GXYLT2: variants seen among roughly 807,000 people sequenced by gnomAD.
GXYLT2 encodes glycosyltransferase 8 domain containing 4.
Under a neutral mutation model 45.8 loss-of-function variants are expected in GXYLT2, and 53 were observed. That is an observed-to-expected ratio of 1.16 (90% CI 0.93 to 1.46). The LOEUF (loss-of-function observed/expected upper bound fraction) is 1.46. GXYLT2 is among the 40% of genes most tolerant of loss of function. The pLI is 0.00. For missense variants in GXYLT2, 551 were observed against 544.4 expected, an observed-to-expected ratio of 1.01 and a Z score of -0.12; for synonymous variants, 219 against 214.2, an observed-to-expected ratio of 1.02 and a Z score of -0.19.
rs76297059 is a variant in GXYLT2 at position 72,905,988 on chromosome 3, T to C, written c.276-2379T>C. On this transcript the variant is annotated intron_variant, in intron 1 of 6. Coordinates refer to ENST00000389617, the MANE Select transcript of GXYLT2 (RefSeq NM_001080393.2). ...GGTGAGGGTATTCATATTTAAGATA[T>C]CTAAGTGATTGCCTTTATGGTGTTA... Among the ~76,000 whole-genome samples the C allele has an allele frequency of 1.1e-4, 16 of 152,330 alleles. No individual in the cohort carries two copies. The East Asian group carries it at 3.1e-3, about 29-fold the overall frequency.
At chr3:72,919,607 T>C (rs999196056) in intron 2 of GXYLT2, among the ~76,000 whole-genome samples, 1 of 152,146 alleles carries the variant, frequency 6.6e-6, no homozygotes, top group African/African-American at 2.4e-5. Flanking sequence ...ATACAAAAAG[T>C]AACTGGGTGT....
intron 6 of GXYLT2, among the ~76,000 whole-genome samples, chr3:72,972,933 G>A (rs1431406534): frequency 6.6e-6 from 1 of 151,690 alleles, no homozygotes; most frequent in Non-Finnish European, 1.5e-5. Flanking sequence ...TGCCTCTTTA[G>A]GAAAAAAAAT....
intron 3 of GXYLT2, 87 bp from the exon 4 acceptor site, chr3:72,955,011 T>C: frequency 7.2e-7 from 1 of 1,379,998 alleles, no homozygotes; most frequent in Non-Finnish European, 1.0e-6. Flanking sequence ...ATTATTTACC[T>C]ATCAGGCTAC....
In GXYLT2 at chr3:72,971,157, G is replaced by C. The variant is rs535337819; in HGVS notation, c.1149+3438G>C. Among the ~76,000 whole-genome samples the C allele has an allele frequency of 3.3e-5, 5 of 152,256 alleles. No homozygotes were observed. The South Asian group carries it at 1.0e-3, about 32-fold the overall frequency. On this transcript the variant is annotated intron_variant, in intron 6 of 6. Transcript: ENST00000389617. The stretch of plus-strand genomic sequence containing the variant: ...TTTGTGATCTGTCACCCCTGGTTTG[G>C]AGTTGAGCAGTTGTGGTTCTTGAGT...
chr3:72,952,404 A>G (rs925436499), intron 3 of GXYLT2, among the ~76,000 whole-genome samples: 1 of 152,162 alleles, frequency 6.6e-6, no homozygotes, highest in Non-Finnish European at 1.5e-5. Flanking sequence ...GTGAAGAACA[A>G]AAGATAAATC....
rs1327651040 is a variant in GXYLT2, at chr3:72,912,032, A to T, written c.468+3473A>T. ...ATATATATTTTTTTTTTTTTTTGAG[A>T]CAGCGTCTCGCTCTGTCTCCCAGGC... On this transcript the variant is annotated intron_variant, in intron 2 of 6. Coordinates refer to ENST00000389617, the MANE Select transcript of GXYLT2 (RefSeq NM_001080393.2). Among the ~76,000 whole-genome samples, 15 of 102,364 alleles carry T rather than the reference A, an allele frequency of 1.5e-4. 1 individual carries two copies. The South Asian group carries it at 3.8e-3, about 26-fold the overall frequency. 67.2% of individuals were successfully genotyped at this position (102,364 alleles called of 152,430 possible). A position where few individuals can be genotyped will look rare whatever the true frequency, so the allele number is the denominator to read the frequency against.
rs149607515 is a variant in GXYLT2, at chr3:72,936,655, C to A, written c.600+14320C>A. 2.0e-3 allele frequency among the ~76,000 whole-genome samples: 156 copies of A among 78,130 alleles called. 3 individuals carry two copies. Among genetic ancestry groups the A allele is most frequent in the Middle Eastern group, 0.011 (2 of 186 alleles). 51.3% of individuals were successfully genotyped at this position (78,130 alleles called of 152,430 possible). On this transcript the variant is annotated intron_variant, in intron 3 of 6. Coordinates refer to ENST00000389617, the MANE Select transcript of GXYLT2 (RefSeq NM_001080393.2). ...ACTCCATCTCAAAAAACAACAACAACAAAAAAACAACAAAAAAAAACCGAA... is the reference window on the plus strand; with the variant it reads ...ACTCCATCTCAAAAAACAACAACAAAAAAAAAACAACAAAAAAAAACCGAA...
chr3:72,957,407 C>A, intron 5 of GXYLT2, 55 bp downstream of exon 5: 1 of 1,518,064 alleles, frequency 6.6e-7, no homozygotes, highest in Non-Finnish European at 8.9e-7. Context: ...GCACACCCCA[C>A]GGAGCACATT....
intron 3 of GXYLT2, among the ~76,000 whole-genome samples, chr3:72,936,291 C>CAAAAAAAAAAA (rs753881580): frequency 8.9e-6 from 1 of 112,452 alleles, no homozygotes; most frequent in Non-Finnish European, 1.8e-5. Flanking sequence ...GACTCCATCT[C>CAAAAAAAAAAA]AAAAAAAAGA....
chr3:72,957,505 CTGGG>C lies in GXYLT2; in HGVS notation c.976+155_976+158del, dbSNP rs747366690. On this transcript the variant is annotated intron_variant, in intron 5 of 6. Coordinates refer to ENST00000389617, the MANE Select transcript of GXYLT2 (RefSeq NM_001080393.2). Reference sequence around the variant, plus strand: ...GAAGTTTGCCCTTTCATCCGCCCCCCTGGGTATCTGATGGAGGCGGGGCCTTGCA... The same window carrying C: ...GAAGTTTGCCCTTTCATCCGCCCCCCTATCTGATGGAGGCGGGGCCTTGCA... 2.2e-4 allele frequency among the ~76,000 whole-genome samples: 34 copies of C among 152,228 alleles called. No homozygotes were observed. In the Middle Eastern group the frequency reaches 0.01, roughly 46 times the overall value.
intron 2 of GXYLT2, among the ~76,000 whole-genome samples, chr3:72,918,758 G>A (rs1319448331): frequency 6.6e-6 from 1 of 152,072 alleles, no homozygotes; most frequent in East Asian, 1.9e-4. Flanking sequence ...AACCCGGGAG[G>A]CAGAGAGTGC....
intron 1 of GXYLT2, among the ~76,000 whole-genome samples, chr3:72,893,153 C>CA (rs1709215162): frequency 1.3e-5 from 2 of 152,162 alleles, no homozygotes; most frequent in African/African-American, 4.8e-5. Context: ...CAGTGACTGA[C>CA]TTCCTGTCAC....
At position 72,926,221 on chromosome 3, in the gene GXYLT2, T is replaced by C. The variant is rs573987868; in HGVS notation, c.600+3886T>C. ...GACCCTTTCTCAACTAAGATTTTAC[T>C]ATCTGAATAATATCAGAGCATAAGT... On this transcript the variant is annotated intron_variant, in intron 3 of 6. Transcript: ENST00000389617. 2.6e-5 allele frequency among the ~76,000 whole-genome samples: 4 copies of C among 152,364 alleles called. No homozygotes were observed. In the East Asian group the frequency reaches 5.8e-4, roughly 22 times the overall value.
intron 3 of GXYLT2, among the ~76,000 whole-genome samples, chr3:72,943,544 CTT>C (rs34725690): frequency 0.073 from 10,984 of 151,482 alleles, 436 homozygotes; most frequent in Admixed American, 0.098. Flanking sequence ...GCCTGGCTAA[CTT>C]TTTATTTTTT....
At chr3:72,906,320 G>T (rs1709509471) in intron 1 of GXYLT2, among the ~76,000 whole-genome samples, 1 of 152,012 alleles carries the variant, frequency 6.6e-6, no homozygotes. Context: ...CCTCCCCCTA[G>T]ACGTGCACAT....
intron 3 of GXYLT2, among the ~76,000 whole-genome samples, chr3:72,940,019 G>A (rs763250776): frequency 3.2e-4 from 48 of 152,002 alleles, no homozygotes; most frequent in African/African-American, 9.4e-4. Context: ...ATGGCCAGGC[G>A]CTGTGGCTCA....
intron 3 of GXYLT2, among the ~76,000 whole-genome samples, chr3:72,946,301 AAAAG>A (rs1710404604): frequency 1.3e-5 from 2 of 149,722 alleles, no homozygotes; most frequent in Non-Finnish European, 3.0e-5. Context: ...AAAAAAAAAA[AAAAG>A]GATGTCATTT....
intron 3 of GXYLT2, among the ~76,000 whole-genome samples, chr3:72,930,379 A>G (rs550337627): frequency 6.6e-6 from 1 of 151,506 alleles, no homozygotes; most frequent in African/African-American, 2.4e-5. Flanking sequence ...GCATGTGCCT[A>G]TAGTCCCAGC....
chr3:72,900,508 C>G (rs1333795720), intron 1 of GXYLT2, among the ~76,000 whole-genome samples: 1 of 151,968 alleles, frequency 6.6e-6, no homozygotes, highest in African/African-American at 2.4e-5. Context: ...TCCACCTCCC[C>G]AGTTCAAGCG....
Sources: allele counts gnomAD v4.1 joint callset (sites outside exome capture counted in the v4.1 genomes callset), GRCh38; gene constraint gnomAD v4.1.1; transcripts MANE v1.5; gene names NCBI Gene and HGNC (gene_info 2026-07-23, HGNC 2026-07-21).